Variants in GNA14 observed in about 807,000 individuals in gnomAD.
GNA14 encodes G protein subunit alpha 14, also known as guanine nucleotide-binding protein subunit alpha-14.
A neutral mutation model predicts 42.0 loss-of-function variants in GNA14; 50 were observed. The ratio of observed to expected loss-of-function variants is 1.19; its 90% CI spans 0.95 to 1.51. The LOEUF (loss-of-function observed/expected upper bound fraction) is 1.51. GNA14 is among the 40% of genes most tolerant of loss of function. The pLI is 0.00. For missense variants in GNA14, 473 were observed against 446.2 expected (o/e 1.06, Z -0.54); for synonymous variants, 173 against 163.1 (o/e 1.06, Z -0.46).
In GNA14 at chr9:77,430,048, A is replaced by G. The variant is rs140857327; in HGVS notation, c.594-1012T>C. ...CAGGAAGGAAAATGAAAAATTCAAT[A>G]CTGTTCTTGAACCATGTCCTGGAGG... On this transcript the variant is annotated intron_variant, in intron 4 of 6. Transcript: ENST00000341700. Among the ~76,000 whole-genome samples, 7 of 152,168 alleles carry G rather than the reference A, an allele frequency of 4.6e-5. No individual in the cohort carries two copies. The East Asian group carries it at 1.2e-3, about 25-fold the overall frequency.
At chr9:77,489,423 G>A (rs181909757) in intron 2 of GNA14, among the ~76,000 whole-genome samples, 6 of 152,310 alleles carry the variant, frequency 3.9e-5, no homozygotes, top group Admixed American at 3.9e-4. Flanking sequence ...AGGAAGATCA[G>A]TGAACACCAA....
At chr9:77,555,717 G>A (rs547348380) in intron 1 of GNA14, among the ~76,000 whole-genome samples, 1 of 152,278 alleles carries the variant, frequency 6.6e-6, no homozygotes, top group East Asian at 1.9e-4. Flanking sequence ...TAACATGCAC[G>A]ACGATGTCCA....
intron 2 of GNA14, among the ~76,000 whole-genome samples, chr9:77,459,630 C>A (rs538866498): frequency 1.3e-5 from 2 of 152,356 alleles, no homozygotes; most frequent in Admixed American, 1.3e-4. Flanking sequence ...GTCAGTCCCA[C>A]TTGCAGGGGA....
Position 77,647,802 on chromosome 9 carries a change from C to T in GNA14, c.-9G>A, listed in dbSNP as rs1824384526. On this transcript the variant is annotated 5_prime_UTR_variant, in exon 1 of 7. Coordinates refer to ENST00000341700, the MANE Select transcript of GNA14 (RefSeq NM_004297.4). Reference sequence around the variant, plus strand: ...CAGCAGCAGCCGGCCATGGTGCGCTCAGCTCAGTACCCGACGGGGCGACGC... The same window carrying T: ...CAGCAGCAGCCGGCCATGGTGCGCTTAGCTCAGTACCCGACGGGGCGACGC... 1.2e-6 allele frequency: 2 copies of T among 1,606,474 alleles called. No individual in the cohort carries two copies. Among genetic ancestry groups the T allele is most frequent in the Non-Finnish European group, 8.5e-7 (1 of 1,178,250 alleles).
intron 2 of GNA14, among the ~76,000 whole-genome samples, chr9:77,469,583 G>A (rs1013889535): frequency 6.6e-6 from 1 of 151,820 alleles, no homozygotes; most frequent in South Asian, 2.1e-4. Context: ...AGTCAGTTGG[G>A]TGGACAACCC....
intron 1 of GNA14, among the ~76,000 whole-genome samples, chr9:77,547,015 TG>T (rs1384301752): frequency 6.6e-6 from 1 of 152,218 alleles, no homozygotes; most frequent in Non-Finnish European, 1.5e-5. Flanking sequence ...TCTGTCTTAT[TG>T]GGTGTGGGGG....
intron 2 of GNA14, among the ~76,000 whole-genome samples, chr9:77,523,927 T>C (rs1837397709): frequency 6.6e-6 from 1 of 152,190 alleles, no homozygotes; most frequent in Non-Finnish European, 1.5e-5. Context: ...AGGCCTAGAA[T>C]GAGAACTTCC....
At chr9:77,441,968 C>T (rs118137174) in intron 2 of GNA14, among the ~76,000 whole-genome samples, 61 of 152,308 alleles carry the variant, frequency 4.0e-4, no homozygotes, top group Non-Finnish European at 7.4e-4. Flanking sequence ...AAACAAGGAA[C>T]TTCTGCTTCA....
At chr9:77,442,309 T>C (rs1046209722) in intron 2 of GNA14, among the ~76,000 whole-genome samples, 6 of 151,652 alleles carry the variant, frequency 4.0e-5, no homozygotes, top group African/African-American at 1.5e-4. Flanking sequence ...GAGGTGGAGG[T>C]TGCAGTGAGC....
At chr9:77,599,422 G>A (rs1333218584) in intron 1 of GNA14, among the ~76,000 whole-genome samples, 1 of 152,244 alleles carries the variant, frequency 6.6e-6, no homozygotes, top group Non-Finnish European at 1.5e-5. Context: ...CCCTGTAAGG[G>A]ATAATGGGCC....
At chr9:77,472,817 T>TCTCTCTCC (rs1232496216) in intron 2 of GNA14, among the ~76,000 whole-genome samples, 1 of 148,334 alleles carries the variant, frequency 6.7e-6, no homozygotes, top group African/African-American at 2.5e-5. Context: ...TCTCTCTCTC[T>TCTCTCTCC]CCTCCAAGCC....
At chr9:77,520,224 C>T (rs1353942254) in intron 2 of GNA14, among the ~76,000 whole-genome samples, 1 of 152,116 alleles carries the variant, frequency 6.6e-6, no homozygotes, top group African/African-American at 2.4e-5. Flanking sequence ...ACCAGATGAA[C>T]ACCTGAATCC....
At chr9:77,624,994 C>T (rs1229373360) in intron 1 of GNA14, among the ~76,000 whole-genome samples, 3 of 151,694 alleles carry the variant, frequency 2.0e-5, no homozygotes, top group Non-Finnish European at 4.4e-5. Flanking sequence ...ATGCAAAGAA[C>T]CTAAGAACCT....
chr9:77,488,820 C>CAGACAGAGA (rs1285941123), intron 2 of GNA14, among the ~76,000 whole-genome samples: 40 of 128,980 alleles, frequency 3.1e-4, no homozygotes, highest in African/African-American at 1.1e-3. Flanking sequence ...CAGAACAAGC[C>CAGACAGAGA]AGACAGAGAA....
intron 1 of GNA14, among the ~76,000 whole-genome samples, chr9:77,600,333 A>C (rs1823537614): frequency 6.6e-6 from 1 of 152,214 alleles, no homozygotes; most frequent in Non-Finnish European, 1.5e-5. Flanking sequence ...AGAGTTCAAG[A>C]AAGAGCTTTC....
At chr9:77,613,831 T>A (rs1823770117) in intron 1 of GNA14, among the ~76,000 whole-genome samples, 1 of 152,194 alleles carries the variant, frequency 6.6e-6, no homozygotes, top group Non-Finnish European at 1.5e-5. Context: ...TGGCTCCCAC[T>A]ACTTTCTCTC....
rs1437906305 is a variant in GNA14, at chr9:77,639,107, G to A, written c.124+8563C>T. ...ATCCATTTAGGAAAAGTTATTTTAT[G>A]GAAAATATCACATTTTTGTTGTAGA... On this transcript the variant is annotated intron_variant, in intron 1 of 6. Transcript: ENST00000341700. Among the ~76,000 whole-genome samples, 6 of 152,120 alleles carry A rather than the reference G, an allele frequency of 3.9e-5. No homozygotes were observed. The East Asian group carries it at 9.6e-4, about 24-fold the overall frequency.
chr9:77,435,124 C>T (rs911204196), intron 2 of GNA14, among the ~76,000 whole-genome samples: 3 of 151,052 alleles, frequency 2.0e-5, no homozygotes, highest in African/African-American at 7.3e-5. Flanking sequence ...TTTGGGAGGC[C>T]GAGGCGGGCC....
intron 1 of GNA14, among the ~76,000 whole-genome samples, chr9:77,619,659 C>G (rs1823890900): frequency 6.6e-6 from 1 of 152,132 alleles, no homozygotes; most frequent in Non-Finnish European, 1.5e-5. Flanking sequence ...ATAGTGCATA[C>G]CACAACAACT....
Sources: allele counts gnomAD v4.1 joint callset (sites outside exome capture counted in the v4.1 genomes callset), GRCh38; gene constraint gnomAD v4.1.1; transcripts MANE v1.5; gene names NCBI Gene and HGNC (gene_info 2026-07-23, HGNC 2026-07-21).